The following KCNG3 variants were observed in gnomAD, a reference collection of about 807,000 sequenced individuals.
The protein encoded by KCNG3 is potassium voltage-gated channel modifier subfamily G member 3.
KCNG3 carries 15 observed loss-of-function variants against 29.0 expected under a neutral mutation model. The observed-to-expected ratio is 0.52, with a 90% CI of 0.35 to 0.80. The LOEUF (loss-of-function observed/expected upper bound fraction) is 0.80, where lower values mean the gene tolerates loss of function less well. KCNG3 is among the 30% of genes least tolerant of loss of function. The pLI is 0.01. For synonymous variants in KCNG3, 322 were observed against 248.9 expected, an observed-to-expected ratio of 1.29 and a Z score of -2.76; for missense variants, 512 against 605.7, an observed-to-expected ratio of 0.85 and a Z score of 1.62.
the KCNG3 span, among the ~76,000 whole-genome samples, chr2:42,425,501 A>C: frequency 6.7e-6 from 1 of 150,314 alleles, no homozygotes; most frequent in Admixed American, 6.7e-5. Flanking sequence ...GATGATGGGG[A>C]GTGGGAGGAG....
At chr2:42,423,446 C>A in the KCNG3 span, among the ~76,000 whole-genome samples, 1 of 152,188 alleles carries the variant, frequency 6.6e-6, no homozygotes, top group African/African-American at 2.4e-5. Context: ...CTGACCTCTG[C>A]CCACCCAACA....
At chr2:42,466,609 G>C (rs1673146296) in intron 1 of KCNG3, among the ~76,000 whole-genome samples, 1 of 152,084 alleles carries the variant, frequency 6.6e-6, no homozygotes, top group South Asian at 2.1e-4. Flanking sequence ...CGTTCACAGA[G>C]CAAAGAAATC....
At position 42,493,826 on chromosome 2, in the gene KCNG3, G is replaced by GGCCGCGGTGCCCTCTCCCAA. The variant is rs1673994997; in HGVS notation, c.-345_-326dup. On this transcript the variant is annotated 5_prime_UTR_variant, in exon 1 of 2. Coordinates refer to ENST00000306078, the MANE Select transcript of KCNG3 (RefSeq NM_133329.6). ...CGCGCCCGAGGGCTGCGCACACCGA[G>GGCCGCGGTGCCCTCTCCCAA]GCCGCGGTGCCCTCTCCCAAGCCGC... 1 of 227,258 alleles carries GGCCGCGGTGCCCTCTCCCAA rather than the reference G, an allele frequency of 4.4e-6. No homozygotes were observed. The highest frequency in any genetic ancestry group is 5.8e-5 in the Admixed American group (1 of 17,252). 14.1% of individuals were successfully genotyped at this position (227,258 alleles called of 1,614,324 possible). A position where few individuals can be genotyped will look rare whatever the true frequency, so the allele number is the denominator to read the frequency against.
In KCNG3 at chr2:42,464,841, G is replaced by A. The variant is rs777259606; in HGVS notation, c.666-20262C>T. Among the ~76,000 whole-genome samples the A allele has an allele frequency of 4.6e-5, 7 of 152,228 alleles. No homozygotes were observed. The East Asian group carries it at 5.8e-4, about 13-fold the overall frequency. ...TCTCTAGCAGTGCACATAGCACAAC[G>A]TGTAGTGGTTGTAAATTCAGCCGTC... On this transcript the variant is annotated intron_variant, in intron 1 of 1. Coordinates refer to ENST00000306078, the MANE Select transcript of KCNG3 (RefSeq NM_133329.6).
the KCNG3 span, among the ~76,000 whole-genome samples, chr2:42,395,899 G>C: frequency 6.6e-6 from 1 of 152,068 alleles, no homozygotes; most frequent in Non-Finnish European, 1.5e-5. Context: ...GAAGTGAGCT[G>C]TGATCAAGCC....
At chr2:42,457,005 T>C (rs994795493) in intron 1 of KCNG3, among the ~76,000 whole-genome samples, 2 of 152,310 alleles carry the variant, frequency 1.3e-5, no homozygotes, top group Middle Eastern at 3.4e-3. Context: ...AGAAAAAATA[T>C]ATACCATTCA....
intron 1 of KCNG3, among the ~76,000 whole-genome samples, chr2:42,476,367 CT>C (rs1484840569): frequency 6.6e-6 from 1 of 151,886 alleles, no homozygotes; most frequent in Non-Finnish European, 1.5e-5. Context: ...ATCTCAGCTA[CT>C]TGAGAGGCTG....
the KCNG3 span, among the ~76,000 whole-genome samples, chr2:42,422,161 C>G: frequency 3.9e-5 from 6 of 152,070 alleles, no homozygotes; most frequent in Non-Finnish European, 1.5e-5. Flanking sequence ...AATTTGTCCC[C>G]CAAAGTTTAT....
At chr2:42,472,439 G>A (rs564675442) in intron 1 of KCNG3, among the ~76,000 whole-genome samples, 19 of 151,854 alleles carry the variant, frequency 1.3e-4, no homozygotes, top group African/African-American at 4.3e-4. Flanking sequence ...TCAGGAGAGT[G>A]CCACTTTCTG....
intron 1 of KCNG3, among the ~76,000 whole-genome samples, chr2:42,451,550 C>T (rs542519336): frequency 3.9e-5 from 6 of 151,948 alleles, no homozygotes; most frequent in African/African-American, 1.2e-4. Flanking sequence ...CATGGTGAAA[C>T]CCCGTCTCTA....
intron 1 of KCNG3, among the ~76,000 whole-genome samples, chr2:42,476,483 A>AT (rs147655389): frequency 5.1e-5 from 7 of 136,002 alleles, no homozygotes; most frequent in South Asian, 2.5e-4. Flanking sequence ...CTCAATAAAA[A>AT]TTTAAAAAAA....
chr2:42,482,062 A>T (rs970129501), intron 1 of KCNG3, among the ~76,000 whole-genome samples: 2 of 152,178 alleles, frequency 1.3e-5, no homozygotes, highest in African/African-American at 4.8e-5. Context: ...GGGCTCAAAC[A>T]AACTGCCTGC....
chr2:42,395,438 A>T, the KCNG3 span, among the ~76,000 whole-genome samples: 163 of 152,320 alleles, frequency 1.1e-3, no homozygotes, highest in Non-Finnish European at 2.0e-3. Context: ...GCGGTGGCTC[A>T]CACCTGTAAT....
At chr2:42,417,999 A>C in the KCNG3 span, among the ~76,000 whole-genome samples, 3 of 151,454 alleles carry the variant, frequency 2.0e-5, no homozygotes, top group Admixed American at 6.6e-5. Context: ...AATAAAAATA[A>C]ATAAATAAAT....
chr2:42,424,141 T>C, the KCNG3 span, among the ~76,000 whole-genome samples: 1 of 152,286 alleles, frequency 6.6e-6, no homozygotes, highest in Non-Finnish European at 1.5e-5. Context: ...TATTTCAACA[T>C]TTTCAGCAGA....
the KCNG3 span, among the ~76,000 whole-genome samples, chr2:42,402,628 T>G: frequency 6.6e-6 from 1 of 152,214 alleles, no homozygotes; most frequent in Non-Finnish European, 1.5e-5. Flanking sequence ...TTATAGAAAG[T>G]CAATTTTCCT....
intron 1 of KCNG3, among the ~76,000 whole-genome samples, chr2:42,455,565 T>A (rs879926041): frequency 1.3e-5 from 2 of 152,142 alleles, no homozygotes; most frequent in African/African-American, 4.8e-5. Flanking sequence ...GATCTTGGAA[T>A]ACAGAGAGAT....
intron 1 of KCNG3, among the ~76,000 whole-genome samples, chr2:42,460,453 G>A (rs1672987650): frequency 6.6e-6 from 1 of 152,012 alleles, no homozygotes; most frequent in Non-Finnish European, 1.5e-5. Context: ...CCTAGCAAAG[G>A]GTAAGATATA....
At chr2:42,474,291 G>A (rs1032940994) in intron 1 of KCNG3, among the ~76,000 whole-genome samples, 1 of 152,050 alleles carries the variant, frequency 6.6e-6, no homozygotes, top group Non-Finnish European at 1.5e-5. Context: ...ACTTTGGGAG[G>A]CCAAGGTGGG....
Sources: gnomAD v4.1 joint callset for allele counts (sites outside exome capture counted in the v4.1 genomes callset) on GRCh38, gnomAD v4.1.1 for gene constraint, MANE v1.5 for transcripts, NCBI Gene and HGNC (gene_info 2026-07-23, HGNC 2026-07-21) for gene names.